The following DLG2 variants were observed in gnomAD, a reference collection of about 807,000 sequenced individuals.
DLG2 encodes disks large homolog 2.
In DLG2, 45 loss-of-function variants were observed where a neutral mutation model predicts 132.5. That is an observed-to-expected ratio of 0.34 (90% CI 0.27 to 0.44). The LOEUF (loss-of-function observed/expected upper bound fraction) is 0.44. Ranked by LOEUF, DLG2 falls within the 20% of genes least tolerant of loss-of-function variation. The probability of loss-of-function intolerance (pLI) is 1.00; values close to 1 mark genes in which losing one functional copy is unlikely to be tolerated. For missense variants in DLG2, 1,045 were observed against 1,196.9 expected, an observed-to-expected ratio of 0.87 and a Z score of 1.87; for synonymous variants, 424 against 419.6, an observed-to-expected ratio of 1.01 and a Z score of -0.13.
chr11:84,642,326 C>T (rs1209968864), intron 6 of DLG2, among the ~76,000 whole-genome samples: 3 of 151,838 alleles, frequency 2.0e-5, no homozygotes, highest in East Asian at 3.9e-4. Context: ...CCAACTCCTG[C>T]AGCTTTGTAT....
At chr11:85,339,998 G>A (rs1462039230) in intron 3 of DLG2, among the ~76,000 whole-genome samples, 1 of 152,192 alleles carries the variant, frequency 6.6e-6, no homozygotes, top group African/African-American at 2.4e-5. Flanking sequence ...AACAGATGCT[G>A]GACAGGATGT....
intron 3 of DLG2, among the ~76,000 whole-genome samples, chr11:85,365,244 A>G (rs1458079794): frequency 6.6e-6 from 1 of 152,184 alleles, no homozygotes; most frequent in East Asian, 1.9e-4. Context: ...TGCAGGTAAG[A>G]TTAATGGCAA....
chr11:84,045,402 A>C (rs1309275743), intron 11 of DLG2, among the ~76,000 whole-genome samples: 2 of 151,768 alleles, frequency 1.3e-5, no homozygotes, highest in Non-Finnish European at 1.5e-5. Flanking sequence ...GTCCAACAAT[A>C]TTACATTCAA....
intron 15 of DLG2, among the ~76,000 whole-genome samples, chr11:83,896,828 G>A (rs1484891483): frequency 6.6e-6 from 1 of 152,036 alleles, no homozygotes; most frequent in African/African-American, 2.4e-5. Flanking sequence ...AATGGGTGAA[G>A]TTTATTGTAT....
intron 6 of DLG2, among the ~76,000 whole-genome samples, chr11:84,642,453 T>C (rs2099668692): frequency 6.6e-6 from 1 of 152,138 alleles, no homozygotes; most frequent in Non-Finnish European, 1.5e-5. Flanking sequence ...AGAGATACAC[T>C]TTAAATTTCT....
chr11:85,052,682 C>G (rs1675424847), intron 6 of DLG2, among the ~76,000 whole-genome samples: 1 of 152,176 alleles, frequency 6.6e-6, no homozygotes, highest in Non-Finnish European at 1.5e-5. Context: ...AAGGAAACAT[C>G]TTTGTATCTT....
At chr11:84,816,411 C>T (rs999903258) in intron 6 of DLG2, among the ~76,000 whole-genome samples, 1 of 151,816 alleles carries the variant, frequency 6.6e-6, no homozygotes, top group African/African-American at 2.4e-5. Context: ...TACACAGAGA[C>T]TGTTTTATCT....
chr11:85,484,360 TTAAAC>T (rs1275644963), intron 3 of DLG2, among the ~76,000 whole-genome samples: 1 of 150,288 alleles, frequency 6.7e-6, no homozygotes, highest in African/African-American at 2.5e-5. Flanking sequence ...TGGGATCTAA[TTAAAC>T]TAAAGAGCTT....
chr11:85,402,023 C>T (rs959925362), intron 3 of DLG2, among the ~76,000 whole-genome samples: 30 of 151,924 alleles, frequency 2.0e-4, no homozygotes, highest in Non-Finnish European at 2.9e-4. Context: ...AAAAAGAGCC[C>T]ACATAGCTAA....
chr11:84,289,939 A>G (rs963719165), intron 7 of DLG2, among the ~76,000 whole-genome samples: 1 of 152,156 alleles, frequency 6.6e-6, no homozygotes, highest in African/African-American at 2.4e-5. Flanking sequence ...TCCAGAATAT[A>G]GTAATGCATT....
chr11:85,335,942 A>G (rs566432459), intron 3 of DLG2: 8 of 152,312 alleles, frequency 5.3e-5, no homozygotes, highest in African/African-American at 1.7e-4. Flanking sequence ...CTTAAAGTAT[A>G]ATAAAAAAAA....
At chr11:84,462,649 G>C (rs1170670020) in intron 7 of DLG2, among the ~76,000 whole-genome samples, 1 of 151,052 alleles carries the variant, frequency 6.6e-6, no homozygotes, top group Non-Finnish European at 1.5e-5. Context: ...TAGTTCCAAA[G>C]AAATGAAAAG....
At chr11:84,905,731 C>G (rs1407660707) in intron 6 of DLG2, among the ~76,000 whole-genome samples, 3 of 152,138 alleles carry the variant, frequency 2.0e-5, no homozygotes, top group African/African-American at 7.2e-5. Context: ...TTTTTATAGT[C>G]TATTCCTGAA....
At chr11:85,122,832 A>G (rs1279320212) in intron 5 of DLG2, among the ~76,000 whole-genome samples, 5 of 150,134 alleles carry the variant, frequency 3.3e-5, no homozygotes, top group Admixed American at 1.3e-4. Context: ...TTATATATAT[A>G]TATACACACA....
chr11:84,834,673 A>G (rs2079486829), intron 6 of DLG2, among the ~76,000 whole-genome samples: 1 of 151,524 alleles, frequency 6.6e-6, no homozygotes, highest in Non-Finnish European at 1.5e-5. Context: ...CATGAGGTGC[A>G]GGGCAAACAT....
intron 6 of DLG2, among the ~76,000 whole-genome samples, chr11:85,099,933 C>T (rs1257170630): frequency 6.6e-6 from 1 of 152,288 alleles, no homozygotes; most frequent in East Asian, 1.9e-4. Context: ...CTTCTAAAGG[C>T]TCCTTCATCA....
chr11:83,775,749 T>C (rs1263495991), intron 18 of DLG2, among the ~76,000 whole-genome samples: 3 of 151,564 alleles, frequency 2.0e-5, no homozygotes, highest in Non-Finnish European at 2.9e-5. Flanking sequence ...TTGGTCTACA[T>C]TTAAATGCCT....
chr11:83,915,027 C>A (rs2076695956), intron 15 of DLG2, among the ~76,000 whole-genome samples: 1 of 151,880 alleles, frequency 6.6e-6, no homozygotes, highest in African/African-American at 2.4e-5. Flanking sequence ...CCTAATGAGA[C>A]AGAGAAGAAA....
intron 6 of DLG2, among the ~76,000 whole-genome samples, chr11:84,548,134 G>T (rs2154523428): frequency 6.6e-6 from 1 of 152,204 alleles, no homozygotes; most frequent in East Asian, 1.9e-4. Context: ...GTGGCTTCCT[G>T]GAGTAAAAGA....
Sources: gnomAD v4.1 joint callset for allele counts (sites outside exome capture counted in the v4.1 genomes callset) on GRCh38, gnomAD v4.1.1 for gene constraint, MANE v1.5 for transcripts, NCBI Gene and HGNC (gene_info 2026-07-23, HGNC 2026-07-21) for gene names.